MROH7: variants seen among roughly 807,000 people sequenced by gnomAD.
MROH7 encodes maestro heat like repeat family member 7.
In MROH7, 113 loss-of-function variants were observed where a neutral mutation model predicts 129.2. That is an observed-to-expected ratio of 0.87 (90% confidence interval 0.75 to 1.02). MROH7 has a LOEUF of 1.02. Among genes scored for constraint, MROH7 ranks in the 50% least tolerant of loss-of-function variants. The pLI, the probability that MROH7 is intolerant of heterozygous loss-of-function variation, is 0.00. For missense variants in MROH7, 1,601 were observed against 1,671.3 expected (o/e 0.96, Z 0.73); for synonymous variants, 655 against 667.9 (o/e 0.98, Z 0.30).
intron 1 of MROH7, among the ~76,000 whole-genome samples, chr1:54,645,487 G>A (rs1345252174): frequency 6.6e-6 from 1 of 151,734 alleles, no homozygotes; most frequent in African/African-American, 2.4e-5. Context: ...CACCATGTTG[G>A]CCAGGCTGGT....
chr1:54,665,265 C>CACAGTCAGCTAGGGGT, intron 4 of MROH7, 25 bp downstream of exon 4: 1 of 1,597,314 alleles, frequency 6.3e-7, no homozygotes, highest in Non-Finnish European at 8.6e-7. Context: ...CAACCCCTAG[C>CACAGTCAGCTAGGGGT]TGACTGTGCT....
At chr1:54,646,584 T>C (rs1202797554) in intron 1 of MROH7, among the ~76,000 whole-genome samples, 3 of 152,168 alleles carry the variant, frequency 2.0e-5, no homozygotes, top group Non-Finnish European at 4.4e-5. Flanking sequence ...TATTTAGTTA[T>C]TTTTAGAAGG....
At chr1:54,678,625 T>A in intron 10 of MROH7, 117 bp from the exon 11 acceptor site, 1 of 697,194 alleles carries the variant, frequency 1.4e-6, no homozygotes, top group South Asian at 1.7e-5. Context: ...GCTACAATGG[T>A]GTGTTCACTA....
intron 18 of MROH7, 47 bp downstream of exon 18, chr1:54,700,508 G>A (rs1382933067): frequency 6.5e-7 from 1 of 1,527,122 alleles, no homozygotes; most frequent in Non-Finnish European, 8.8e-7. Context: ...GCCCCAGACT[G>A]GAGGAAGGAC....
intron 1 of MROH7, among the ~76,000 whole-genome samples, chr1:54,645,655 C>CTTTTTTTTTT (rs60788847): frequency 4.0e-5 from 5 of 124,248 alleles, no homozygotes; most frequent in Admixed American, 3.7e-4. Flanking sequence ...TTCTTTCTTT[C>CTTTTTTTTTT]TTTTTTTTTT....
chr1:54,648,369 TTTATTTA>T (rs1169527787), intron 1 of MROH7, among the ~76,000 whole-genome samples: 33 of 150,898 alleles, frequency 2.2e-4, no homozygotes, highest in African/African-American at 8.1e-4. Flanking sequence ...TATTTATTTA[TTTATTTA>T]TTTTTTGAGA....
rs1330569696 is a variant in MROH7 at position 54,652,916 on chromosome 1, C to T, written c.-11C>T. The T allele has an allele frequency of 6.4e-7, 1 of 1,559,186 alleles. No individual in the cohort carries two copies. The highest frequency in any genetic ancestry group is 8.7e-7 in the Non-Finnish European group (1 of 1,155,504). On this transcript the variant is annotated 5_prime_UTR_variant, in exon 3 of 24. Transcript: ENST00000421030. Reference sequence around the variant, plus strand: ...AGCGGGCACTGGCATTGAGAGACCTCCAGACTGGACATGGCCCTGAGTCCA... The same window carrying T: ...AGCGGGCACTGGCATTGAGAGACCTTCAGACTGGACATGGCCCTGAGTCCA...
intron 2 of MROH7, among the ~76,000 whole-genome samples, 153 bp downstream of exon 2, chr1:54,652,136 A>T (rs1433231675): frequency 1.3e-5 from 2 of 151,912 alleles, no homozygotes; most frequent in Non-Finnish European, 2.9e-5. Flanking sequence ...AGCCCACTTC[A>T]CCCGGAACAA....
At chr1:54,661,359 T>A (rs779226823) in intron 3 of MROH7, among the ~76,000 whole-genome samples, 15 of 150,356 alleles carry the variant, frequency 1.0e-4, no homozygotes, top group Non-Finnish European at 1.6e-4. Context: ...ATTACAGGCA[T>A]GTGCCACCAT....
At chr1:54,648,665 C>T (rs2101057317) in intron 1 of MROH7, among the ~76,000 whole-genome samples, 1 of 152,206 alleles carries the variant, frequency 6.6e-6, no homozygotes, top group African/African-American at 2.4e-5. Context: ...TGTGCCTGGT[C>T]TGCATGCAAT....
chr1:54,682,181 G>A (rs1440980095), intron 13 of MROH7, among the ~76,000 whole-genome samples: 1 of 132,126 alleles, frequency 7.6e-6, no homozygotes, highest in Non-Finnish European at 1.6e-5. Flanking sequence ...TTTTTTTGAA[G>A]ATGGAGTTTC....
intron 10 of MROH7, among the ~76,000 whole-genome samples, chr1:54,675,915 C>T (rs775111677): frequency 3.3e-5 from 5 of 151,668 alleles, no homozygotes; most frequent in Admixed American, 6.6e-5. Context: ...GGATTACAGG[C>T]GTGCACCACC....
chr1:54,666,060 G>A (rs559636064), intron 4 of MROH7, among the ~76,000 whole-genome samples: 58 of 152,346 alleles, frequency 3.8e-4, no homozygotes, highest in African/African-American at 1.1e-3. Flanking sequence ...GCCTTTGCAC[G>A]TGTTTCTTCT....
At chr1:54,702,996 T>C (rs1645464660) in intron 21 of MROH7, among the ~76,000 whole-genome samples, 1 of 152,162 alleles carries the variant, frequency 6.6e-6, no homozygotes, top group Non-Finnish European at 1.5e-5. Flanking sequence ...CTTTTGAGCC[T>C]GTGCCTTTTC....
At chr1:54,699,895 G>A in intron 17 of MROH7, 1 of 562,960 alleles carries the variant, frequency 1.8e-6, no homozygotes. Context: ...ATGGAGCCCT[G>A]CGAGGTGGCA....
intron 21 of MROH7, among the ~76,000 whole-genome samples, chr1:54,704,868 C>T (rs893409390): frequency 6.3e-5 from 8 of 127,924 alleles, no homozygotes; most frequent in Non-Finnish European, 9.3e-5. Context: ...GGTGTGATCT[C>T]CGCTCATCGC....
At chr1:54,700,497 G>A (rs1414876843) in intron 18 of MROH7, 36 bp downstream of exon 18, 3 of 1,540,780 alleles carry the variant, frequency 1.9e-6, no homozygotes, top group Non-Finnish European at 1.7e-6. Context: ...GGCCCAGCCA[G>A]GCCCCAGACT....
intron 13 of MROH7, among the ~76,000 whole-genome samples, chr1:54,681,364 C>A (rs1645066711): frequency 6.6e-6 from 1 of 152,196 alleles, no homozygotes; most frequent in Admixed American, 6.5e-5. Context: ...TCTTTTACAT[C>A]TTGGCTTTGC....
chr1:54,683,194 T>A (rs1645098223), intron 14 of MROH7, among the ~76,000 whole-genome samples: 1 of 152,138 alleles, frequency 6.6e-6, no homozygotes. Flanking sequence ...AAATCCTACA[T>A]TACCATTTTG....
Sources: allele counts gnomAD v4.1 joint callset (sites outside exome capture counted in the v4.1 genomes callset), GRCh38; gene constraint gnomAD v4.1.1; transcripts MANE v1.5; gene names NCBI Gene and HGNC (gene_info 2026-07-23, HGNC 2026-07-21).